PPIL6: variants seen among roughly 807,000 people sequenced by gnomAD.
PPIL6 encodes peptidylprolyl isomerase like 6.
A neutral mutation model predicts 36.8 loss-of-function variants in PPIL6; 39 were observed. The observed-to-expected ratio is 1.06, with a 90% CI of 0.82 to 1.38. The LOEUF is 1.38. Among genes scored for constraint, PPIL6 ranks in the 40% most tolerant of loss-of-function variants. The probability of loss-of-function intolerance (pLI) is 0.00; values close to 1 mark genes in which losing one functional copy is unlikely to be tolerated. For missense variants in PPIL6, 368 were observed against 379.1 expected (o/e 0.97, Z 0.24); for synonymous variants, 123 against 134.1 (o/e 0.92, Z 0.57).
chr6:109,414,456 C>A lies in PPIL6; in HGVS notation c.688+4731G>T, dbSNP rs1045468881. Among the ~76,000 whole-genome samples the A allele has an allele frequency of 3.6e-5, 5 of 139,284 alleles. No individual in the cohort carries two copies. The East Asian group carries it at 8.6e-4, about 24-fold the overall frequency. 91.4% of individuals were successfully genotyped at this position (139,284 alleles called of 152,430 possible). ...TTATGAGCTCTTTCATGTCTTGTAT[C>A]ATTTTCTTAATGTCTTTTAGCTTTT... On this transcript the variant is annotated intron_variant, in intron 6 of 7. Transcript: ENST00000521072.
intron 2 of PPIL6, among the ~76,000 whole-genome samples, chr6:109,432,215 T>C (rs749447792): frequency 6.6e-6 from 1 of 152,106 alleles, no homozygotes; most frequent in African/African-American, 2.4e-5. Context: ...AAAATGTTTT[T>C]TGGGTAGTGT....
At chr6:109,403,319 A>AT (rs1390846221) in intron 6 of PPIL6, among the ~76,000 whole-genome samples, 2 of 151,768 alleles carry the variant, frequency 1.3e-5, no homozygotes, top group East Asian at 3.9e-4. Flanking sequence ...AATTTCCCTG[A>AT]TTTTTTTTCT....
At chr6:109,402,755 C>T (rs1403859130) in intron 6 of PPIL6, among the ~76,000 whole-genome samples, 1 of 152,066 alleles carries the variant, frequency 6.6e-6, no homozygotes, top group African/African-American at 2.4e-5. Flanking sequence ...TTCTCTAAGT[C>T]CAGAATGTGT....
At chr6:109,432,474 A>G (rs1384135938) in intron 2 of PPIL6, among the ~76,000 whole-genome samples, 1 of 152,078 alleles carries the variant, frequency 6.6e-6, no homozygotes, top group South Asian at 2.1e-4. Flanking sequence ...AACCATGAAT[A>G]ATTTGGAACA....
intron 6 of PPIL6, among the ~76,000 whole-genome samples, chr6:109,403,777 T>C (rs1166251713): frequency 6.6e-6 from 1 of 152,238 alleles, no homozygotes; most frequent in Non-Finnish European, 1.5e-5. Context: ...ATTATTTTTG[T>C]GTTAAGCTTA....
At chr6:109,415,471 A>G (rs1773208403) in intron 6 of PPIL6, among the ~76,000 whole-genome samples, 1 of 152,276 alleles carries the variant, frequency 6.6e-6, no homozygotes, top group East Asian at 1.9e-4. Flanking sequence ...GCTGTGGTAT[A>G]TATTAGGCCT....
In PPIL6 at chr6:109,392,721, C is replaced by T; in HGVS notation, c.*105G>A. On this transcript the variant is annotated 3_prime_UTR_variant, in exon 8 of 8. Coordinates refer to ENST00000521072, the MANE Select transcript of PPIL6 (RefSeq NM_173672.5). ...TAGATGAGGCAACCTACAGTGTCTG[C>T]CACGGCTTTCAAATTACAATTTATC... 1 of 690,870 alleles carries T rather than the reference C, an allele frequency of 1.4e-6. No individual in the cohort carries two copies. The highest frequency in any genetic ancestry group is 2.0e-5 in the South Asian group (1 of 50,408). 42.8% of individuals were successfully genotyped at this position (690,870 alleles called of 1,614,324 possible).
intron 2 of PPIL6, among the ~76,000 whole-genome samples, chr6:109,435,487 G>A (rs76941253): frequency 9.2e-5 from 14 of 151,864 alleles, no homozygotes; most frequent in Non-Finnish European, 7.4e-5. Flanking sequence ...TCGTAGAGAC[G>A]GAGTTTCACC....
intron 6 of PPIL6, among the ~76,000 whole-genome samples, chr6:109,416,205 T>C (rs1371004228): frequency 6.7e-6 from 1 of 148,334 alleles, no homozygotes; most frequent in Non-Finnish European, 1.5e-5. Flanking sequence ...TGTGGCTTTT[T>C]TTTTTTTTTT....
At chr6:109,405,194 CTT>C (rs1772747187) in intron 6 of PPIL6, 2 of 221,290 alleles carry the variant, frequency 9.0e-6, no homozygotes, top group South Asian at 8.9e-5. Flanking sequence ...AGAAAAGAAA[CTT>C]TGCTGGCTTC....
At chr6:109,402,952 G>T in intron 6 of PPIL6, 1 of 896,026 alleles carries the variant, frequency 1.1e-6, no homozygotes, top group Non-Finnish European at 1.7e-6. Flanking sequence ...CAGACATAAA[G>T]TATTACAAGA....
chr6:109,422,270 T>C (rs1773590641), intron 5 of PPIL6, among the ~76,000 whole-genome samples: 2 of 152,096 alleles, frequency 1.3e-5, no homozygotes, highest in Admixed American at 1.3e-4. Context: ...AAGGCTGCAG[T>C]GAGAGCCATG....
At chr6:109,415,307 GA>G (rs879452832) in intron 6 of PPIL6, among the ~76,000 whole-genome samples, 7 of 152,160 alleles carry the variant, frequency 4.6e-5, no homozygotes, top group Non-Finnish European at 7.3e-5. Context: ...TGTTGTAAAA[GA>G]AGTCAAAAGT....
rs1773123454 is a variant in PPIL6, at chr6:109,413,846, T to C, written c.688+5341A>G. Among the ~76,000 whole-genome samples, 2 of 152,130 alleles carry C rather than the reference T, an allele frequency of 1.3e-5. No homozygotes were observed. Among genetic ancestry groups the C allele is most frequent in the South Asian group, 4.1e-4 (2 of 4,828 alleles). On this transcript the variant is annotated intron_variant, in intron 6 of 7. Transcript: ENST00000521072. This position sits in a 1 kb window ranked among gnomAD's most constrained non-coding sequence, Gnocchi z 4.6. ...TGGGACTGGAGGTCATTATGCTAAG[T>C]GAAATAAGCCAGGCACAGAAAGACA...
intron 2 of PPIL6, among the ~76,000 whole-genome samples, chr6:109,433,396 T>A (rs1774271750): frequency 6.6e-6 from 1 of 152,222 alleles, no homozygotes; most frequent in Admixed American, 6.5e-5. Flanking sequence ...AAAATGTCAC[T>A]GTGGATATTT....
intron 7 of PPIL6, among the ~76,000 whole-genome samples, chr6:109,396,454 A>C (rs1267626032): frequency 6.6e-6 from 1 of 152,026 alleles, no homozygotes. Flanking sequence ...TCCCCTAAGT[A>C]CCAAGCTCTG....
At chr6:109,419,144 A>C in intron 6 of PPIL6, 43 bp downstream of exon 6, 3 of 1,165,912 alleles carry the variant, frequency 2.6e-6, no homozygotes, top group Non-Finnish European at 3.9e-6. Flanking sequence ...TTAAGTTTGA[A>C]TAATCAACTA....
intron 2 of PPIL6, among the ~76,000 whole-genome samples, chr6:109,433,796 G>A (rs1333600580): frequency 1.3e-5 from 2 of 152,212 alleles, no homozygotes; most frequent in African/African-American, 4.8e-5. Context: ...GTAACAAACA[G>A]CCAGAGGAGA....
intron 7 of PPIL6, among the ~76,000 whole-genome samples, chr6:109,398,137 G>A (rs1337908454): frequency 1.3e-5 from 2 of 152,134 alleles, no homozygotes; most frequent in African/African-American, 2.4e-5. Flanking sequence ...TGATCTACCC[G>A]CCTTGGCCTC....
Sources: allele counts gnomAD v4.1 joint callset (sites outside exome capture counted in the v4.1 genomes callset), GRCh38; gene constraint gnomAD v4.1.1; non-coding constraint Gnocchi (gnomAD v3.1); transcripts MANE v1.5; gene names NCBI Gene and HGNC (gene_info 2026-07-23, HGNC 2026-07-21).